TNS1: variants seen among roughly 807,000 people sequenced by gnomAD.
TNS1 encodes the protein tensin-1.
In TNS1, 62 loss-of-function variants were observed where a neutral mutation model predicts 168.6. That is an observed-to-expected ratio of 0.37 (90% CI 0.30 to 0.45). The LOEUF (loss-of-function observed/expected upper bound fraction) is 0.45. Among genes scored for constraint, TNS1 ranks in the 20% least tolerant of loss-of-function variants. The probability of loss-of-function intolerance (pLI) is 1.00; values close to 1 mark genes in which losing one functional copy is unlikely to be tolerated. For missense variants in TNS1, 2,240 were observed against 2,339.4 expected (o/e 0.96, Z 0.88); for synonymous variants, 934 against 933.2 (o/e 1.00, Z -0.02).
chr2:217,975,259 GC>G (rs1188089614), intron 3 of TNS1, among the ~76,000 whole-genome samples: 3 of 152,240 alleles, frequency 2.0e-5, no homozygotes, highest in African/African-American at 7.2e-5. Context: ...CAACATCTCA[GC>G]TGCAACCCCA....
At chr2:217,943,322 A>G (rs1438262174) in intron 3 of TNS1, among the ~76,000 whole-genome samples, 1 of 152,158 alleles carries the variant, frequency 6.6e-6, no homozygotes, top group Admixed American at 6.5e-5. Context: ...CCTGCAGCCA[A>G]GGTCAGACCT....
At chr2:217,915,230 C>T (rs1279794054) in intron 4 of TNS1, among the ~76,000 whole-genome samples, 1 of 152,248 alleles carries the variant, frequency 6.6e-6, no homozygotes. Flanking sequence ...GTGCTCCGCT[C>T]CCTTTCTCTG....
intron 18 of TNS1, among the ~76,000 whole-genome samples, chr2:217,855,727 C>T (rs1443569796): frequency 6.6e-6 from 1 of 152,174 alleles, no homozygotes; most frequent in Non-Finnish European, 1.5e-5. Flanking sequence ...TCTTGCCTTA[C>T]ACCGAGTAGC....
At chr2:217,966,705 C>G in intron 3 of TNS1, among the ~76,000 whole-genome samples, 1 of 152,140 alleles carries the variant, frequency 6.6e-6, no homozygotes, top group East Asian at 1.9e-4. Flanking sequence ...CTGAACAGCA[C>G]AAGGGAACAC....
chr2:217,835,739 T>C (rs1039911563), intron 20 of TNS1, among the ~76,000 whole-genome samples: 17 of 152,202 alleles, frequency 1.1e-4, no homozygotes, highest in Non-Finnish European at 8.8e-5. Flanking sequence ...TGTTCACCTA[T>C]ATCATCCCCA....
intron 7 of TNS1, among the ~76,000 whole-genome samples, chr2:217,898,419 C>T (rs769552815): frequency 1.1e-4 from 16 of 152,222 alleles, no homozygotes; most frequent in East Asian, 1.9e-4. Context: ...GGGCGCTCTC[C>T]AGCCCTGGAA....
intron 1 of TNS1, 69 bp downstream of exon 1, chr2:218,002,771 T>C (rs1311637393): frequency 8.8e-6 from 4 of 455,876 alleles, no homozygotes; most frequent in African/African-American, 8.0e-5. Context: ...AAGGATAAGG[T>C]GGCAGGGGCC....
chr2:217,871,410 C>T (rs1949764022), intron 18 of TNS1, among the ~76,000 whole-genome samples: 1 of 152,158 alleles, frequency 6.6e-6, no homozygotes, highest in South Asian at 2.1e-4. Context: ...CTCAGGCTCT[C>T]AGCACCCACA....
At chr2:218,019,116 T>C (rs1216031353) in intron 1 of TNS1, among the ~76,000 whole-genome samples, 2 of 151,894 alleles carry the variant, frequency 1.3e-5, no homozygotes, top group Non-Finnish European at 2.9e-5. Flanking sequence ...AAAGGAATTA[T>C]ATACAATGTA....
At chr2:217,878,891 G>T (rs1950434445) in intron 18 of TNS1, among the ~76,000 whole-genome samples, 1 of 152,242 alleles carries the variant, frequency 6.6e-6, no homozygotes, top group Admixed American at 6.5e-5. Context: ...GGTGAGGGAA[G>T]GCCCTGGCCG....
At chr2:218,005,487 T>TCCCTG (rs1267483909), upstream of TNS1, among the ~76,000 whole-genome samples, 2 of 152,206 alleles carry the variant, frequency 1.3e-5, no homozygotes, top group East Asian at 3.9e-4. Context: ...AAGATGTCCT[T>TCCCTG]CCTGCTAATT....
Position 217,808,653 on chromosome 2 carries a change from G to A in TNS1, c.5292C>T (p.His1764=), listed in dbSNP as rs1939719492. ...AGAAGGTGACAGTGTTGAGAGGGTA[G>A]TGGCGTCTGAAAAAGAGCCTGCAGC... The part of the protein sequence containing the change: ...DNQRKLFFRR[H]YPLNTVTFCD... Residue 1764 remains histidine (H), a synonymous_variant, in exon 31 of 33, where the codon CAC becomes CAT. Transcript: ENST00000682258. 1 of 1,614,004 alleles carries A rather than the reference G, an allele frequency of 6.2e-7. No homozygotes were observed. The highest frequency in any genetic ancestry group is 1.7e-5 in the Admixed American group (1 of 60,012).
chr2:217,993,109 T>C (rs1365962), intron 1 of TNS1, among the ~76,000 whole-genome samples: 85,283 of 152,032 alleles, frequency 0.56, 25,003 homozygotes, highest in African/African-American at 0.74. Flanking sequence ...CCGGGAGCTA[T>C]AGGCTATACC....
At chr2:218,024,292 G>T (rs968201866) in intron 1 of TNS1, among the ~76,000 whole-genome samples, 1 of 151,974 alleles carries the variant, frequency 6.6e-6, no homozygotes, top group African/African-American at 2.4e-5. Flanking sequence ...GAACCACAAA[G>T]AAACCACCCA....
chr2:217,976,844 A>G (rs1423360427), intron 3 of TNS1, among the ~76,000 whole-genome samples: 1 of 152,214 alleles, frequency 6.6e-6, no homozygotes, highest in East Asian at 1.9e-4. Context: ...GATGGAAAGC[A>G]AAAGGAAGAA....
rs1414951068 is a variant in TNS1, at chr2:217,895,009, G to A, written c.591C>T (p.Ala197=). 6.2e-7 allele frequency: 1 copy of A among 1,612,940 alleles called. No homozygotes were observed. Among genetic ancestry groups the A allele is most frequent in the Non-Finnish European group, 8.5e-7 (1 of 1,179,678 alleles). Reference sequence around the variant, plus strand: ...CCCAAAACAGCCCCTGGCTCACCTTGGCATGGAGCTTCGTGATGTCAGGTC... The same window carrying A: ...CCCAAAACAGCCCCTGGCTCACCTTAGCATGGAGCTTCGTGATGTCAGGTC... The part of the protein sequence containing the change: ...ERRPDITKLH[A]KVLEFGWPDL... The change falls in exon 9 of 33, where the codon GCC becomes GCT. Residue 197 remains alanine (A), a synonymous_variant. Coordinates refer to ENST00000682258, the MANE Select transcript of TNS1 (RefSeq NM_001387777.1).
intron 32 of TNS1, among the ~76,000 whole-genome samples, chr2:217,805,640 C>T (rs1938763900): frequency 1.2e-5 from 1 of 81,882 alleles, no homozygotes; most frequent in Admixed American, 1.3e-4. Context: ...CACACCCACA[C>T]ACATCACACA....
chr2:218,012,923 C>T (rs57506591), upstream of TNS1, among the ~76,000 whole-genome samples: 601 of 152,092 alleles, frequency 4.0e-3, 7 homozygotes, highest in East Asian at 0.041. Flanking sequence ...AGTCTTGATC[C>T]CTTTTCTCCC....
intron 1 of TNS1, among the ~76,000 whole-genome samples, chr2:218,025,486 G>T (rs1257515295): frequency 6.6e-6 from 1 of 152,058 alleles, no homozygotes; most frequent in Non-Finnish European, 1.5e-5. Context: ...CTGCCCTCAG[G>T]TGATCTGCCC....
Sources: allele counts gnomAD v4.1 joint callset (sites outside exome capture counted in the v4.1 genomes callset), GRCh38; gene constraint gnomAD v4.1.1; transcripts MANE v1.5; gene names NCBI Gene and HGNC (gene_info 2026-07-23, HGNC 2026-07-21).